Variants in ST6GALNAC3 observed in about 807,000 individuals in gnomAD.
ST6GALNAC3 encodes the protein ST6 N-acetylgalactosaminide alpha-2,6-sialyltransferase 3.
Under a neutral mutation model 32.7 loss-of-function variants are expected in ST6GALNAC3, and 25 were observed. The observed-to-expected ratio is 0.76, with a 90% CI of 0.56 to 1.07. The LOEUF is 1.07. Among genes scored for constraint, ST6GALNAC3 ranks in the 50% least tolerant of loss-of-function variants. The probability of loss-of-function intolerance (pLI) is 0.00; values close to 1 mark genes in which losing one functional copy is unlikely to be tolerated. For missense variants in ST6GALNAC3, 355 were observed against 382.4 expected (o/e 0.93, Z 0.60); for synonymous variants, 129 against 133.1 (o/e 0.97, Z 0.21).
chr1:76,591,931 G>A (rs141608239), intron 3 of ST6GALNAC3, among the ~76,000 whole-genome samples: 7 of 152,232 alleles, frequency 4.6e-5, no homozygotes, highest in East Asian at 3.9e-4. Flanking sequence ...CAATTGGCAC[G>A]GAAAGAAGTT....
chr1:76,356,691 A>C (rs1325287), intron 2 of ST6GALNAC3, among the ~76,000 whole-genome samples: 71,583 of 151,798 alleles, frequency 0.47, 17,305 homozygotes, highest in South Asian at 0.65. Flanking sequence ...AGAATACATC[A>C]AAAAGCATTC....
At chr1:76,340,420 G>C (rs1647860503) in intron 2 of ST6GALNAC3, among the ~76,000 whole-genome samples, 1 of 152,148 alleles carries the variant, frequency 6.6e-6, no homozygotes, top group Non-Finnish European at 1.5e-5. Context: ...GGTCCAGAAG[G>C]GTGCTCCCAA....
At chr1:76,544,283 A>G (rs1664162129) in intron 3 of ST6GALNAC3, among the ~76,000 whole-genome samples, 1 of 152,098 alleles carries the variant, frequency 6.6e-6, no homozygotes, top group Non-Finnish European at 1.5e-5. Context: ...GCTTCATGTT[A>G]AGAGTAATAA....
At chr1:76,330,736 A>G (rs905546228) in intron 2 of ST6GALNAC3, among the ~76,000 whole-genome samples, 37 of 152,224 alleles carry the variant, frequency 2.4e-4, no homozygotes, top group African/African-American at 8.9e-4. Context: ...AGGGAAGTCA[A>G]GTAACTTATT....
chr1:76,245,413 T>TCA (rs1231880311), intron 1 of ST6GALNAC3, among the ~76,000 whole-genome samples: 1 of 152,140 alleles, frequency 6.6e-6, no homozygotes, highest in East Asian at 1.9e-4. Context: ...GAAGGGTTTT[T>TCA]TGTAGGTCTA....
At chr1:76,431,811 T>C (rs962505647) in intron 3 of ST6GALNAC3, among the ~76,000 whole-genome samples, 1 of 152,266 alleles carries the variant, frequency 6.6e-6, no homozygotes, top group African/African-American at 2.4e-5. Flanking sequence ...TTGTTACAAC[T>C]GATGAACCTG....
rs190490606 is a variant in ST6GALNAC3, at chr1:76,475,250, G to A, written c.623+62833G>A. ...GCTACAGTGTAGTGTAGCGGCTTAC[G>A]CTCTGTGGTCAGCAAGAACTGAGTT... On this transcript the variant is annotated intron_variant, in intron 3 of 4. Transcript: ENST00000328299. Among the ~76,000 whole-genome samples the A allele has an allele frequency of 8.0e-4, 122 of 152,280 alleles. 4 individuals are homozygous for A. In the South Asian group the frequency reaches 0.024, roughly 31 times the overall value.
chr1:76,519,143 TCA>T (rs1662357065), intron 3 of ST6GALNAC3, among the ~76,000 whole-genome samples: 1 of 152,156 alleles, frequency 6.6e-6, no homozygotes, highest in Non-Finnish European at 1.5e-5. Context: ...TCCTTGTATC[TCA>T]CAGTGTCATC....
intron 3 of ST6GALNAC3, among the ~76,000 whole-genome samples, chr1:76,477,227 CA>C (rs1214895929): frequency 3.4e-4 from 4 of 11,780 alleles, no homozygotes; most frequent in Non-Finnish European, 9.9e-4. Context: ...TTTCATCCAG[CA>C]TTTTTTTTTT....
At chr1:76,316,918 A>G (rs1646876605) in intron 2 of ST6GALNAC3, among the ~76,000 whole-genome samples, 1 of 152,166 alleles carries the variant, frequency 6.6e-6, no homozygotes, top group African/African-American at 2.4e-5. Context: ...ATGGGATATT[A>G]AGCTATCTAA....
At chr1:76,220,751 T>C (rs1655717870) in intron 1 of ST6GALNAC3, among the ~76,000 whole-genome samples, 1 of 152,202 alleles carries the variant, frequency 6.6e-6, no homozygotes, top group South Asian at 2.1e-4. Context: ...GAATAGCTCA[T>C]GTAAATGCCT....
chr1:76,165,403 T>C (rs1295409405), intron 1 of ST6GALNAC3, among the ~76,000 whole-genome samples: 2 of 152,030 alleles, frequency 1.3e-5, no homozygotes, highest in South Asian at 2.1e-4. Flanking sequence ...CCATGTTTTC[T>C]TTATCCAGTC....
chr1:76,345,435 A>G (rs972649386), intron 2 of ST6GALNAC3, among the ~76,000 whole-genome samples: 2 of 152,034 alleles, frequency 1.3e-5, no homozygotes, highest in Non-Finnish European at 2.9e-5. Flanking sequence ...TAAAAGAACA[A>G]GAGAGAAGAG....
chr1:76,084,152 G>A lies in ST6GALNAC3; in HGVS notation c.18+9268G>A, dbSNP rs76163437. On this transcript the variant is annotated intron_variant, in intron 1 of 4. Transcript: ENST00000328299. ...ACTAGACTCAGACAATGAGAGTAGC[G>A]TAAGGGGCTGCAGAAAGGATTGGCT... Among the ~76,000 whole-genome samples, 202 of 152,290 alleles carry A rather than the reference G, an allele frequency of 1.3e-3. 1 individual carries two copies. The highest frequency in any genetic ancestry group is 4.7e-3 in the African/African-American group (197 of 41,548).
intron 1 of ST6GALNAC3, among the ~76,000 whole-genome samples, chr1:76,149,064 T>C (rs77196739): frequency 0.028 from 4,242 of 152,278 alleles, 156 homozygotes; most frequent in African/African-American, 0.086. Flanking sequence ...GTCAGATAAT[T>C]CATGTAAAGC....
At chr1:76,536,641 G>T in intron 3 of ST6GALNAC3, among the ~76,000 whole-genome samples, 1 of 133,140 alleles carries the variant, frequency 7.5e-6, no homozygotes, top group African/African-American at 2.8e-5. Context: ...ATATCACATG[G>T]TGAAATGGAA....
intron 1 of ST6GALNAC3, among the ~76,000 whole-genome samples, chr1:76,259,510 A>G (rs1658106776): frequency 1.3e-5 from 2 of 152,200 alleles, no homozygotes; most frequent in South Asian, 4.1e-4. Flanking sequence ...GGCTATTATC[A>G]TCATCACCAC....
intron 1 of ST6GALNAC3, among the ~76,000 whole-genome samples, chr1:76,121,973 T>C (rs1395721597): frequency 4.6e-5 from 7 of 152,118 alleles, no homozygotes; most frequent in Admixed American, 2.6e-4. Flanking sequence ...TCTGCATGGC[T>C]CCCTCCCTCC....
chr1:76,092,773 A>C (rs544265058), intron 1 of ST6GALNAC3, among the ~76,000 whole-genome samples: 2 of 152,212 alleles, frequency 1.3e-5, no homozygotes, highest in African/African-American at 4.8e-5. Context: ...CTGCCTAGCC[A>C]AATTGTCCAA....
Sources: allele counts gnomAD v4.1 joint callset (sites outside exome capture counted in the v4.1 genomes callset), GRCh38; gene constraint gnomAD v4.1.1; transcripts MANE v1.5; gene names NCBI Gene and HGNC (gene_info 2026-07-23, HGNC 2026-07-21).